DNA2: variants seen among roughly 807,000 people sequenced by gnomAD.
The protein encoded by DNA2 is DNA replication helicase/nuclease 2, also known as DNA replication ATP-dependent helicase/nuclease DNA2.
In DNA2, 101 loss-of-function variants were observed where a neutral mutation model predicts 119.1. The observed-to-expected ratio is 0.85, with a 90% CI of 0.72 to 1.00. DNA2 has a LOEUF of 1.00. DNA2 is among the 50% of genes least tolerant of loss of function. The pLI, the probability that DNA2 is intolerant of heterozygous loss-of-function variation, is 0.00. For missense variants in DNA2, 1,121 were observed against 1,255.5 expected, an observed-to-expected ratio of 0.89 and a Z score of 1.62; for synonymous variants, 366 against 424.4, an observed-to-expected ratio of 0.86 and a Z score of 1.69.
At chr10:68,435,858 G>T (rs762957777) in intron 10 of DNA2, among the ~76,000 whole-genome samples, 8 of 152,260 alleles carry the variant, frequency 5.3e-5, no homozygotes, top group Middle Eastern at 3.4e-3. Flanking sequence ...AAAAAGGAGA[G>T]AACAAAATAG....
At chr10:68,419,335 TC>T in intron 18 of DNA2, 122 bp from the exon 19 acceptor site, 1 of 733,076 alleles carries the variant, frequency 1.4e-6, no homozygotes, top group Non-Finnish European at 2.1e-6. Flanking sequence ...CTTTCCTATC[TC>T]AAAGACTGAA....
chr10:68,424,070 A>C (rs755846499), intron 14 of DNA2, among the ~76,000 whole-genome samples: 6 of 152,262 alleles, frequency 3.9e-5, no homozygotes, highest in Non-Finnish European at 8.8e-5. Flanking sequence ...GGTCAGAACT[A>C]TCTGACCAAG....
Position 68,450,365 on chromosome 10 carries a change from C to A in DNA2, c.720-118G>T, listed in dbSNP as rs1165278304. On this transcript the variant is annotated intron_variant, in intron 5 of 20. Coordinates refer to ENST00000358410, the MANE Select transcript of DNA2 (RefSeq NM_001080449.3). ...TGGGGAGGGGAAAGAGTCTACCTAC[C>A]TTTACAGCAGTGATTTTCAAACTTG... 49 of 769,652 alleles carry A rather than the reference C, an allele frequency of 6.4e-5. 1 individual carries two copies. The East Asian group carries it at 1.3e-3, about 20-fold the overall frequency. 47.7% of individuals were successfully genotyped at this position (769,652 alleles called of 1,614,324 possible).
Position 68,419,183 on chromosome 10 carries a change from T to G in DNA2, c.2818A>C (p.Ile940Leu). 6.2e-7 allele frequency: 1 copy of G among 1,605,584 alleles called. No individual in the cohort carries two copies. Among genetic ancestry groups the G allele is most frequent in the Non-Finnish European group, 8.5e-7 (1 of 1,177,160 alleles). The change falls in exon 19 of 21, where the codon ATT becomes CTT. Residue 940 changes from isoleucine to leucine, a missense_variant. Coordinates refer to ENST00000358410, the MANE Select transcript of DNA2 (RefSeq NM_001080449.3). ...TTTAATTGCTGCCTGTACGGTGCAA[T>G]AATACCAATATCAGAGGGACTGCAT... ...AGCSPSDIGI[I>L]APYRQQLKII... is the part of the protein sequence containing the mutation.
chr10:68,416,625 T>C (rs774676481), intron 20 of DNA2, 84 bp downstream of exon 20: 12 of 1,376,966 alleles, frequency 8.7e-6, no homozygotes, highest in East Asian at 2.3e-5. Context: ...TTAAGCAACA[T>C]AGTGAGAGCT....
intron 4 of DNA2, among the ~76,000 whole-genome samples, chr10:68,461,861 G>A (rs550624022): frequency 6.7e-6 from 1 of 148,982 alleles, no homozygotes; most frequent in Non-Finnish European, 1.5e-5. Context: ...AATAGAGGCT[G>A]GAGGATTGTT....
chr10:68,422,939 A>G, intron 14 of DNA2, 49 bp from the exon 15 acceptor site: 1 of 1,359,386 alleles, frequency 7.4e-7, no homozygotes, highest in Non-Finnish European at 9.9e-7. Context: ...AAAGAAATGT[A>G]GTTTTGTTTC....
At chr10:68,465,934 T>TA in intron 3 of DNA2, 122 bp from the exon 4 acceptor site, 1 of 911,226 alleles carries the variant, frequency 1.1e-6, no homozygotes, top group Non-Finnish European at 1.5e-6. Context: ...GCCAAAATAT[T>TA]AAAAAAATTT....
chr10:68,416,198 T>G (rs989638810), intron 20 of DNA2, among the ~76,000 whole-genome samples: 3 of 152,222 alleles, frequency 2.0e-5, no homozygotes, highest in Admixed American at 2.0e-4. Flanking sequence ...CTGAATGTGG[T>G]GGCTGACACC....
intron 7 of DNA2, 37 bp downstream of exon 7, chr10:68,446,259 G>A (rs1194145033): frequency 1.8e-6 from 2 of 1,139,880 alleles, no homozygotes; most frequent in Admixed American, 2.2e-5. Flanking sequence ...GTGGGGGGGT[G>A]GGCAAAGAAG....
At chr10:68,459,479 C>T (rs2133432099) in intron 4 of DNA2, among the ~76,000 whole-genome samples, 1 of 152,290 alleles carries the variant, frequency 6.6e-6, no homozygotes, top group South Asian at 2.1e-4. Context: ...GAAGAACCTT[C>T]AGGACATTAC....
intron 14 of DNA2, chr10:68,424,541 C>T (rs61707245): frequency 0.17 from 133,627 of 800,498 alleles, 12,676 homozygotes; most frequent in Admixed American, 0.26. Context: ...CTGAGGCCGC[C>T]GCTAGCCGGA....
chr10:68,436,264 G>A (rs1173326070), intron 10 of DNA2, among the ~76,000 whole-genome samples: 1 of 152,056 alleles, frequency 6.6e-6, no homozygotes, highest in Non-Finnish European at 1.5e-5. Context: ...TCTCATATAT[G>A]CTGAAATATG....
Position 68,465,659 on chromosome 10 carries a change from C to G in DNA2, c.587+8G>C. On this transcript the variant is annotated splice_region_variant and intron_variant, in intron 4 of 20. Transcript: ENST00000358410. ...ATTATACCTGCAGTTCTTCTTATAA[C>G]TACTTACATTTCCTTCAAATGTCTT... The G allele has an allele frequency of 6.4e-7, 1 of 1,574,746 alleles. No individual in the cohort carries two copies. Among genetic ancestry groups the G allele is most frequent in the Non-Finnish European group, 8.6e-7 (1 of 1,160,660 alleles).
chr10:68,458,102 G>A (rs1401233336), intron 5 of DNA2, among the ~76,000 whole-genome samples: 1 of 151,978 alleles, frequency 6.6e-6, no homozygotes, highest in African/African-American at 2.4e-5. Flanking sequence ...GAACCCAGGA[G>A]GTGGAGGTTG....
chr10:68,429,554 A>G (rs2051788495), intron 14 of DNA2, among the ~76,000 whole-genome samples: 2 of 149,774 alleles, frequency 1.3e-5, no homozygotes, highest in South Asian at 2.1e-4. Context: ...CAAAAAAAAA[A>G]AAAAAAAATT....
At chr10:68,460,030 TACAC>T (rs150226727) in intron 4 of DNA2, among the ~76,000 whole-genome samples, 34 of 145,700 alleles carry the variant, frequency 2.3e-4, no homozygotes, top group African/African-American at 3.8e-4. Context: ...CCATCACAAA[TACAC>T]ACACACACAC....
intron 1 of DNA2, among the ~76,000 whole-genome samples, chr10:68,471,330 C>T (rs2052378866): frequency 6.6e-6 from 1 of 152,172 alleles, no homozygotes; most frequent in Non-Finnish European, 1.5e-5. Context: ...GCAAAAGTCC[C>T]TCAACGCTAA....
chr10:68,446,365 C>A lies in DNA2; in HGVS notation c.988G>T (p.Ala330Ser), dbSNP rs2133405413. The A allele has an allele frequency of 5.0e-6, 8 of 1,599,128 alleles. No homozygotes were observed. Among genetic ancestry groups the A allele is most frequent in the Non-Finnish European group, 6.8e-6 (8 of 1,172,510 alleles). Residue 330 changes from alanine (A) to serine (S), a missense_variant, in exon 7 of 21, where the codon GCT becomes TCT. Coordinates refer to ENST00000358410, the MANE Select transcript of DNA2 (RefSeq NM_001080449.3). ...LSQERRADPE[A>S]GLLLYLKTGQ... is the part of the protein sequence containing the mutation. ...GTCTTGAGGTAGAGAAGCAAGCCAG[C>A]CTCTGGATCAGCTCTTCTCTCTTGG... is the stretch of plus-strand genomic sequence containing the variant.
Sources: allele counts gnomAD v4.1 joint callset (sites outside exome capture counted in the v4.1 genomes callset), GRCh38; gene constraint gnomAD v4.1.1; transcripts MANE v1.5; gene names NCBI Gene and HGNC (gene_info 2026-07-23, HGNC 2026-07-21).